The following KCNH8 variants were observed in gnomAD, a reference collection of about 807,000 sequenced individuals.
The protein encoded by KCNH8 is voltage-gated delayed rectifier potassium channel KCNH8.
Under a neutral mutation model 103.6 loss-of-function variants are expected in KCNH8, and 70 were observed. The observed-to-expected ratio is 0.68, with a 90% CI of 0.56 to 0.82. KCNH8 has a LOEUF of 0.82. Ranked by LOEUF, KCNH8 falls within the 40% of genes least tolerant of loss-of-function variation. The pLI, the probability that KCNH8 is intolerant of heterozygous loss-of-function variation, is 0.00. For missense variants in KCNH8, 1,217 were observed against 1,329.9 expected, an observed-to-expected ratio of 0.92 and a Z score of 1.32; for synonymous variants, 498 against 489.4, an observed-to-expected ratio of 1.02 and a Z score of -0.23.
intron 1 of KCNH8, among the ~76,000 whole-genome samples, chr3:19,171,151 T>C (rs2063345025): frequency 6.6e-6 from 1 of 152,298 alleles, no homozygotes; most frequent in South Asian, 2.1e-4. Flanking sequence ...ACATAGTCTC[T>C]TTCTTATTCT....
chr3:19,277,344 C>T (rs958721045), intron 2 of KCNH8, among the ~76,000 whole-genome samples: 2 of 152,030 alleles, frequency 1.3e-5, no homozygotes, highest in Admixed American at 1.3e-4. Context: ...GGCAGGATCC[C>T]TTGAACACCG....
At chr3:19,447,198 G>T (rs2067375319) in intron 8 of KCNH8, among the ~76,000 whole-genome samples, 1 of 151,996 alleles carries the variant, frequency 6.6e-6, no homozygotes, top group Non-Finnish European at 1.5e-5. Flanking sequence ...AGGGTGAAAT[G>T]ATAACCAGTG....
chr3:19,169,319 C>T (rs369205204), intron 1 of KCNH8, among the ~76,000 whole-genome samples: 1 of 141,904 alleles, frequency 7.0e-6, no homozygotes, highest in South Asian at 2.2e-4. Flanking sequence ...AGTGCAGTGG[C>T]GCGATCTTGG....
chr3:19,255,333 A>T (rs2064333178), intron 2 of KCNH8, among the ~76,000 whole-genome samples: 2 of 152,152 alleles, frequency 1.3e-5, no homozygotes, highest in African/African-American at 2.4e-5. Context: ...CGCATATATT[A>T]AGAAGTTAAG....
At chr3:19,285,730 A>T (rs1364245963) in intron 3 of KCNH8, among the ~76,000 whole-genome samples, 1 of 151,378 alleles carries the variant, frequency 6.6e-6, no homozygotes. Context: ...GTAACCTAGG[A>T]TTTACACTCA....
intron 11 of KCNH8, among the ~76,000 whole-genome samples, chr3:19,503,073 AT>A (rs2068620740): frequency 6.6e-6 from 1 of 151,614 alleles, no homozygotes; most frequent in Non-Finnish European, 1.5e-5. Flanking sequence ...ACTCAAACAA[AT>A]TTACAAGAAA....
chr3:19,175,149 A>G (rs1408467228), intron 1 of KCNH8, among the ~76,000 whole-genome samples: 1 of 151,906 alleles, frequency 6.6e-6, no homozygotes, highest in Non-Finnish European at 1.5e-5. Context: ...TAATATAGAG[A>G]TACTCTGTTC....
intron 11 of KCNH8, among the ~76,000 whole-genome samples, chr3:19,502,701 T>G (rs1224902721): frequency 1.2e-4 from 18 of 151,336 alleles, no homozygotes; most frequent in African/African-American, 4.4e-4. Context: ...TAATAAATGG[T>G]GCTGGGAAAA....
intron 11 of KCNH8, among the ~76,000 whole-genome samples, chr3:19,498,425 G>A (rs145470222): frequency 1.3e-5 from 2 of 152,232 alleles, no homozygotes; most frequent in Non-Finnish European, 2.9e-5. Flanking sequence ...AGGACCTCTT[G>A]TAAGGCAGGC....
chr3:19,463,668 T>C (rs914159867), intron 11 of KCNH8, among the ~76,000 whole-genome samples: 1 of 152,160 alleles, frequency 6.6e-6, no homozygotes, highest in African/African-American at 2.4e-5. Context: ...TGTGTATCCA[T>C]TTTGCAGAAA....
rs548939596 is a variant in KCNH8 at position 19,156,176 on chromosome 3, G to A, written c.76+7381G>A. ...GTGATAATAGTGTCTATCATCTTGG[G>A]CATGTCTACATGCATGCTGTGTACT... On this transcript the variant is annotated intron_variant, in intron 1 of 15. Transcript: ENST00000328405. Among the ~76,000 whole-genome samples, 6 of 152,212 alleles carry A rather than the reference G, an allele frequency of 3.9e-5. No homozygotes were observed. In the South Asian group the frequency reaches 1.0e-3, roughly 26 times the overall value.
rs761283326 is a variant in KCNH8, at chr3:19,513,146, C to G, written c.2256C>G (p.Ser752Arg). Reference sequence around the variant, plus strand: ...GCAATAAAGCCTACCTGGGCTTAAGCTTAAAGCAACTGGCCTCGGGAACGG... The same window carrying G: ...GCAATAAAGCCTACCTGGGCTTAAGGTTAAAGCAACTGGCCTCGGGAACGG... ...VGSNKAYLGLSLKQLASGTVP... is the reference protein window; with the variant it reads ...VGSNKAYLGLRLKQLASGTVP... The change falls in exon 13 of 16, where the codon AGC becomes AGG. Residue 752 changes from serine (S) to arginine (R), a missense_variant. Ser to Arg is a moderately radical substitution (Grantham distance 110, BLOSUM62 -1). This residue lies in a region of KCNH8 where 558 missense variants were observed against 495.8 expected (regional missense o/e 1.13). Coordinates refer to ENST00000328405, the MANE Select transcript of KCNH8 (RefSeq NM_144633.3). 1.2e-6 allele frequency: 2 copies of G among 1,613,958 alleles called. No homozygotes were observed. Among genetic ancestry groups the G allele is most frequent in the South Asian group, 2.2e-5 (2 of 91,074 alleles).
intron 5 of KCNH8, among the ~76,000 whole-genome samples, chr3:19,378,363 T>C (rs2066241551): frequency 6.6e-6 from 1 of 152,208 alleles, no homozygotes; most frequent in Non-Finnish European, 1.5e-5. Context: ...TTTTTGCCAC[T>C]GTGTTTTTCA....
At chr3:19,152,370 T>A (rs2063139184) in intron 1 of KCNH8, among the ~76,000 whole-genome samples, 1 of 152,174 alleles carries the variant, frequency 6.6e-6, no homozygotes, top group South Asian at 2.1e-4. Context: ...TTAAAAAAGA[T>A]ACAAAGCTTT....
chr3:19,206,687 T>C (rs1441979719), intron 1 of KCNH8, among the ~76,000 whole-genome samples: 2 of 152,004 alleles, frequency 1.3e-5, no homozygotes, highest in Non-Finnish European at 2.9e-5. Context: ...CATTACCCAG[T>C]TGTGACATTC....
chr3:19,483,167 C>T (rs1305151687), intron 11 of KCNH8, among the ~76,000 whole-genome samples: 1 of 152,104 alleles, frequency 6.6e-6, no homozygotes, highest in Non-Finnish European at 1.5e-5. Context: ...ACACAACTAC[C>T]TGCCCACTGG....
At chr3:19,375,439 C>T (rs956261905) in intron 5 of KCNH8, among the ~76,000 whole-genome samples, 1 of 151,244 alleles carries the variant, frequency 6.6e-6, no homozygotes, top group Non-Finnish European at 1.5e-5. Flanking sequence ...GTTCTCAAGC[C>T]TTGGTTTTCA....
chr3:19,327,937 A>C (rs2065452590), intron 3 of KCNH8, among the ~76,000 whole-genome samples: 1 of 152,180 alleles, frequency 6.6e-6, no homozygotes, highest in Non-Finnish European at 1.5e-5. Flanking sequence ...GATTTATATT[A>C]ATATAGTTTA....
intron 15 of KCNH8, among the ~76,000 whole-genome samples, chr3:19,520,210 C>T (rs1044495341): frequency 6.6e-6 from 1 of 151,340 alleles, no homozygotes; most frequent in African/African-American, 2.4e-5. Flanking sequence ...GGTATTTCTC[C>T]TAATGCTATC....
Sources: allele counts gnomAD v4.1 joint callset (sites outside exome capture counted in the v4.1 genomes callset), GRCh38; gene constraint gnomAD v4.1.1; regional missense constraint gnomAD v4.1.1; transcripts MANE v1.5; gene names NCBI Gene and HGNC (gene_info 2026-07-23, HGNC 2026-07-21).